IL23R: variants seen among roughly 807,000 people sequenced by gnomAD.
IL23R encodes interleukin-23 receptor.
Under a neutral mutation model 56.9 loss-of-function variants are expected in IL23R, and 34 were observed. That is an observed-to-expected ratio of 0.60 (90% CI 0.45 to 0.80). The LOEUF (loss-of-function observed/expected upper bound fraction) is 0.80, where lower values mean the gene tolerates loss of function less well. IL23R is among the 30% of genes least tolerant of loss of function. The pLI, the probability that IL23R is intolerant of heterozygous loss-of-function variation, is 0.00. For synonymous variants in IL23R, 230 were observed against 249.2 expected (o/e 0.92, Z 0.73); for missense variants, 635 against 730.0 (o/e 0.87, Z 1.50).
At chr1:67,154,021 T>G (rs1428095261) in intron 1 of IL23R, among the ~76,000 whole-genome samples, 1 of 152,174 alleles carries the variant, frequency 6.6e-6, no homozygotes, top group Non-Finnish European at 1.5e-5. Context: ...GCCCGCTTCG[T>G]TCTCCCAAAG....
At chr1:67,149,244 CTCTT>C (rs1646707712) in intron 1 of IL23R, among the ~76,000 whole-genome samples, 1 of 152,196 alleles carries the variant, frequency 6.6e-6, no homozygotes, top group African/African-American at 2.4e-5. Flanking sequence ...GCATTGAGCA[CTCTT>C]TCTTGTGGCA....
At chr1:67,182,257 G>A (rs1041081325) in intron 3 of IL23R, among the ~76,000 whole-genome samples, 3 of 152,212 alleles carry the variant, frequency 2.0e-5, no homozygotes, top group African/African-American at 7.2e-5. Flanking sequence ...AGGCAGTCAG[G>A]CCTCCTTGAG....
chr1:67,234,626 A>T (rs936908605), intron 7 of IL23R, among the ~76,000 whole-genome samples: 1 of 152,228 alleles, frequency 6.6e-6, no homozygotes, highest in Admixed American at 6.5e-5. Context: ...TGAAAACAAA[A>T]ATACTACAGC....
intron 9 of IL23R, among the ~76,000 whole-genome samples, chr1:67,254,453 G>A (rs1342125395): frequency 1.3e-5 from 2 of 151,718 alleles, no homozygotes; most frequent in Non-Finnish European, 2.9e-5. Flanking sequence ...TCAGTGTACT[G>A]TATAAAAACT....
Position 67,141,228 on chromosome 1 carries a change from A to G in IL23R, c.-634+2067A>G, listed in dbSNP as rs75995030. The stretch of plus-strand genomic sequence containing the variant: ...AATAAAACATCCTCAAAAGATAGTT[A>G]TCTTAGGGTGGTAAAGTATATCTTG... On this transcript the variant is annotated intron_variant, in intron 1 of 10. Coordinates refer to the IL23R transcript ENST00000637002. 9.8e-3 allele frequency among the ~76,000 whole-genome samples: 1,489 copies of G among 152,332 alleles called. 26 individuals are homozygous for G. The highest frequency in any genetic ancestry group is 0.033 in the African/African-American group (1,381 of 41,576).
rs565777340 is a variant in IL23R, at chr1:67,207,241, G to A, written c.798+186G>A. 1,690 of 714,406 alleles carry A rather than the reference G, an allele frequency of 2.4e-3. 1 individual carries two copies. The highest frequency in any genetic ancestry group is 3.2e-3 in the Non-Finnish European group (1,303 of 408,264). The allele number at this position is 714,406 out of a possible 1,614,324, so 44.3% of individuals were successfully genotyped here. A position where few individuals can be genotyped will look rare whatever the true frequency, so the allele number is the denominator to read the frequency against. On this transcript the variant is annotated intron_variant, in intron 6 of 10. Coordinates refer to ENST00000347310, the MANE Select transcript of IL23R (RefSeq NM_144701.3). The stretch of plus-strand genomic sequence containing the variant: ...TTATTTTAGATTCGGGGGCACATGT[G>A]CAGGTTTGTTACCTGGATATATTGC...
chr1:67,164,755 G>A (rs1048243812), upstream of IL23R, among the ~76,000 whole-genome samples: 4 of 152,016 alleles, frequency 2.6e-5, no homozygotes, highest in Admixed American at 2.0e-4. Flanking sequence ...ACACAGTGTT[G>A]GAGTCATATG....
In IL23R at chr1:67,228,010, CTTTCTTT is replaced by C. The variant is rs1650782608; in HGVS notation, c.955+8281_955+8287del. On this transcript the variant is annotated intron_variant, in intron 7 of 10. Coordinates refer to ENST00000347310, the MANE Select transcript of IL23R (RefSeq NM_144701.3). The stretch of plus-strand genomic sequence containing the variant: ...TCTTTCTTTCTTTCTTTCTTTCTTT[CTTTCTTT>C]CTTCCTTTCTTTCTTTTCTTTCTTT... Among the ~76,000 whole-genome samples, 7 of 90,224 alleles carry C rather than the reference CTTTCTTT, an allele frequency of 7.8e-5. 1 individual carries two copies. The South Asian group carries it at 1.1e-3, about 15-fold the overall frequency. 59.2% of individuals were successfully genotyped at this position (90,224 alleles called of 152,430 possible).
At chr1:67,196,562 A>C (rs1648171577) in intron 4 of IL23R, among the ~76,000 whole-genome samples, 1 of 152,012 alleles carries the variant, frequency 6.6e-6, no homozygotes, top group African/African-American at 2.4e-5. Flanking sequence ...AGAAAATAAG[A>C]ATGTAGGCTA....
intron 4 of IL23R, among the ~76,000 whole-genome samples, chr1:67,188,872 A>G (rs1214655707): frequency 6.6e-6 from 1 of 152,118 alleles, no homozygotes; most frequent in Non-Finnish European, 1.5e-5. Context: ...CCCACCTCTT[A>G]ATACTATTAC....
At position 67,238,456 on chromosome 1, in the gene IL23R, C is replaced by T. The variant is rs1651637076; in HGVS notation, c.1045+1654C>T. ...AAGTGCTTAGGTTCAGTACAGTTCC[C>T]TAATTATAGATGCCTACACAGACCT... On this transcript the variant is annotated intron_variant, in intron 8 of 10. Coordinates refer to ENST00000347310, the MANE Select transcript of IL23R (RefSeq NM_144701.3). 2.6e-5 allele frequency among the ~76,000 whole-genome samples: 4 copies of T among 152,170 alleles called. No homozygotes were observed. In the South Asian group the frequency reaches 8.3e-4, roughly 32 times the overall value.
chr1:67,209,711 C>T (rs1649327796), intron 6 of IL23R, among the ~76,000 whole-genome samples: 1 of 152,200 alleles, frequency 6.6e-6, no homozygotes, highest in Non-Finnish European at 1.5e-5. Flanking sequence ...CAGTGTTTAG[C>T]TCCCACTCAT....
intron 6 of IL23R, among the ~76,000 whole-genome samples, chr1:67,208,599 T>C (rs2102641204): frequency 6.6e-6 from 1 of 152,318 alleles, no homozygotes. Context: ...GTGTTGAGCC[T>C]GCGGGTACAC....
downstream of IL23R, among the ~76,000 whole-genome samples, chr1:67,264,742 G>T (rs1462960234): frequency 2.0e-5 from 3 of 152,130 alleles, no homozygotes; most frequent in African/African-American, 7.2e-5. Flanking sequence ...TTCAACTTAA[G>T]ATAACCACAC....
At chr1:67,177,917 C>A (rs1295963909) in intron 3 of IL23R, among the ~76,000 whole-genome samples, 1 of 150,982 alleles carries the variant, frequency 6.6e-6, no homozygotes, top group Admixed American at 6.6e-5. Context: ...TGTCAAAGAT[C>A]AGATGGTTGT....
chr1:67,202,974 C>G (rs1021607310), intron 5 of IL23R, among the ~76,000 whole-genome samples: 3 of 152,088 alleles, frequency 2.0e-5, no homozygotes, highest in African/African-American at 7.2e-5. Context: ...TGACTATGCT[C>G]TATACATTTT....
rs1165035483 is a variant in IL23R, at chr1:67,228,021, CCTTT to C, written c.955+8300_955+8303del. ...TTCTTTCTTTCTTTCTTTCTTTCTTCCTTTCTTTCTTTTCTTTCTTTCTCTTTCT... is the reference window on the plus strand; with the variant it reads ...TTCTTTCTTTCTTTCTTTCTTTCTTCCTTTCTTTTCTTTCTTTCTCTTTCT... On this transcript the variant is annotated intron_variant, in intron 7 of 10. Coordinates refer to ENST00000347310, the MANE Select transcript of IL23R (RefSeq NM_144701.3). Among the ~76,000 whole-genome samples the C allele has an allele frequency of 3.8e-3, 122 of 31,738 alleles. 21 individuals carry two copies. Among genetic ancestry groups the C allele is most frequent in the Non-Finnish European group, 6.1e-3 (92 of 15,168 alleles). The allele number at this position is 31,738 out of a possible 152,430, so 20.8% of individuals were successfully genotyped here.
At chr1:67,217,424 T>A (rs976131947) in intron 6 of IL23R, among the ~76,000 whole-genome samples, 1 of 152,178 alleles carries the variant, frequency 6.6e-6, no homozygotes, top group African/African-American at 2.4e-5. Flanking sequence ...TTCTTCTTAC[T>A]ATTTTGGAAT....
At chr1:67,190,864 T>C (rs1647686697) in intron 4 of IL23R, among the ~76,000 whole-genome samples, 1 of 152,234 alleles carries the variant, frequency 6.6e-6, no homozygotes, top group African/African-American at 2.4e-5. Flanking sequence ...TGCTAATTCA[T>C]AAGGCCTGTT....
Sources: allele counts gnomAD v4.1 joint callset (sites outside exome capture counted in the v4.1 genomes callset), GRCh38; gene constraint gnomAD v4.1.1; transcripts MANE v1.5; gene names NCBI Gene and HGNC (gene_info 2026-07-23, HGNC 2026-07-21).